RANBP3L: variants seen among roughly 807,000 people sequenced by gnomAD.
RANBP3L encodes the protein ran-binding protein 3-like.
RANBP3L carries 56 observed loss-of-function variants against 67.2 expected under a neutral mutation model. The ratio of observed to expected loss-of-function variants is 0.83; its 90% CI spans 0.67 to 1.04. The LOEUF (loss-of-function observed/expected upper bound fraction) is 1.04, where lower values mean the gene tolerates loss of function less well. RANBP3L is among the 50% of genes least tolerant of loss of function. The probability of loss-of-function intolerance (pLI) is 0.00; values close to 1 mark genes in which losing one functional copy is unlikely to be tolerated. For synonymous variants in RANBP3L, 164 were observed against 181.4 expected (o/e 0.90, Z 0.77); for missense variants, 496 against 535.5 (o/e 0.93, Z 0.73).
chr5:36,255,542 C>G lies in RANBP3L; in HGVS notation c.952G>C (p.Glu318Gln), dbSNP rs1213129318. ...IFNKTTQSWI[E>Q]RGRGTLRLND... The stretch of plus-strand genomic sequence containing the variant: ...AGTCTCAACGTTCCTCTGCCCCTTT[C>G]AATCCAGGATTGTGTTGTTTTGTTG... Residue 318 changes from glutamate (E) to glutamine (Q), a missense_variant, in exon 11 of 14, where the codon GAA becomes CAA. Glu to Gln is a conservative substitution (Grantham distance 29). Coordinates refer to ENST00000296604, the MANE Select transcript of RANBP3L (RefSeq NM_145000.5). 1 of 1,611,848 alleles carries G rather than the reference C, an allele frequency of 6.2e-7. No homozygotes were observed.
intron 1 of RANBP3L, among the ~76,000 whole-genome samples, chr5:36,277,436 ATATATGTGTG>A (rs1327684784): frequency 1.2e-4 from 11 of 93,488 alleles, no homozygotes; most frequent in African/African-American, 2.9e-4. Context: ...ATATATATAT[ATATATGTGTG>A]TGTGTGTGTG....
In RANBP3L at chr5:36,257,003, T is replaced by G; in HGVS notation, c.841A>C (p.Lys281Gln). The G allele has an allele frequency of 6.2e-7, 1 of 1,613,074 alleles. No homozygotes were observed. Reference protein sequence around the residue: ...AAAFSSQPSRKCLLEKIDVIT... With the variant: ...AAAFSSQPSRQCLLEKIDVIT... ...ACATCAATTTTCTCCAGCAAGCATT[T>G]TCGTGATGGTTGGGAAGAGAATGCA... is the stretch of plus-strand genomic sequence containing the variant. Residue 281 changes from lysine to glutamine, a missense_variant, in exon 10 of 14, where the codon AAA (lysine) becomes CAA (glutamine). Coordinates refer to ENST00000296604, the MANE Select transcript of RANBP3L (RefSeq NM_145000.5).
At chr5:36,262,858 C>T (rs914953650) in intron 6 of RANBP3L, among the ~76,000 whole-genome samples, 1 of 152,248 alleles carries the variant, frequency 6.6e-6, no homozygotes, top group African/African-American at 2.4e-5. Context: ...ATTACCTAGT[C>T]ATTCAGATAA....
Position 36,249,606 on chromosome 5 carries a change from T to G in RANBP3L, c.*48A>C. 9.8e-7 allele frequency: 1 copy of G among 1,023,534 alleles called. No homozygotes were observed. The highest frequency in any genetic ancestry group is 1.4e-6 in the Non-Finnish European group (1 of 689,996). The allele number at this position is 1,023,534 out of a possible 1,614,324, so 63.4% of individuals were successfully genotyped here. A position where few individuals can be genotyped will look rare whatever the true frequency, so the allele number is the denominator to read the frequency against. On this transcript the variant is annotated 3_prime_UTR_variant, in exon 14 of 14. Transcript: ENST00000296604. The stretch of plus-strand genomic sequence containing the variant: ...AGTTAGGGTGGTTTAGTATTTTCAG[T>G]AGGGTGACCCCTCTTTTTGTAGATG...
intron 1 of RANBP3L, among the ~76,000 whole-genome samples, chr5:36,298,453 G>T (rs1266947423): frequency 6.6e-6 from 1 of 152,224 alleles, no homozygotes; most frequent in Non-Finnish European, 1.5e-5. Flanking sequence ...GTGAACCCAG[G>T]ATGATTCCAT....
In RANBP3L at chr5:36,269,429, A is replaced by G. The variant is rs747450419; in HGVS notation, c.229T>C (p.Ser77Pro). The change falls in exon 4 of 14, where the codon TCT (serine) becomes CCT (proline). Residue 77 changes from serine to proline, a missense_variant. Transcript: ENST00000296604. ...GAATCTGTAATATGAAAAGTAAAAG[A>G]TGAAGACCGTACACGCTTTGTTGGA... ...GFPTKRVRSS[S>P]FTFHITDSQS... The G allele has an allele frequency of 3.8e-6, 6 of 1,579,972 alleles. No individual in the cohort carries two copies. In the African/African-American group the frequency reaches 6.7e-5, roughly 18 times the overall value.
At chr5:36,255,714 A>G (rs1477573039) in intron 10 of RANBP3L, 124 bp from the exon 11 acceptor site, 6 of 551,774 alleles carry the variant, frequency 1.1e-5, no homozygotes, top group Non-Finnish European at 3.0e-6. Context: ...TTAATGATTT[A>G]TAAACCAGCT....
chr5:36,265,086 T>G lies in RANBP3L; in HGVS notation c.353A>C (p.His118Pro). The G allele has an allele frequency of 1.2e-6, 2 of 1,603,488 alleles. No individual in the cohort carries two copies. Among genetic ancestry groups the G allele is most frequent in the Non-Finnish European group, 1.7e-6 (2 of 1,171,456 alleles). ...AGCAGGTCTAATAACATGTTTAGAA[T>G]GTTTCACAGGACCTTAAAAGAATAG... ...IKSAEQGPVK[H>P]SKHVIRPAIL... The change falls in exon 6 of 14, where the codon CAT becomes CCT. Residue 118 changes from histidine to proline, a missense_variant. By Grantham distance (77) the His-to-Pro change is moderately conservative. Transcript: ENST00000296604.
chr5:36,297,600 C>T (rs1752321547), intron 1 of RANBP3L, among the ~76,000 whole-genome samples: 2 of 152,114 alleles, frequency 1.3e-5, no homozygotes, highest in Non-Finnish European at 2.9e-5. Context: ...CTGCCTAGTA[C>T]ATGTAATGTG....
intron 8 of RANBP3L, among the ~76,000 whole-genome samples, chr5:36,258,436 G>A (rs1367625647): frequency 1.3e-5 from 2 of 152,040 alleles, no homozygotes; most frequent in African/African-American, 4.8e-5. Context: ...TAAGAAAATA[G>A]AAACTGAGGC....
At chr5:36,297,418 C>T (rs936996740) in intron 1 of RANBP3L, among the ~76,000 whole-genome samples, 5 of 108,522 alleles carry the variant, frequency 4.6e-5, no homozygotes, top group African/African-American at 2.0e-4. Flanking sequence ...GTTCAGGAGT[C>T]ACCTGTATAC....
Position 36,267,886 on chromosome 5 carries a change from A to G in RANBP3L, c.268+1504T>C, listed in dbSNP as rs182602323. Among the ~76,000 whole-genome samples the G allele has an allele frequency of 9.8e-4, 149 of 152,298 alleles. 2 individuals are homozygous for G. Among genetic ancestry groups the G allele is most frequent in the African/African-American group, 3.5e-3 (144 of 41,538 alleles). On this transcript the variant is annotated intron_variant, in intron 4 of 13. Transcript: ENST00000296604. ...TACATTATAAACTATGTAGATGGAC[A>G]ATAGTAAGTAAAATAATGCAAATTG...
chr5:36,280,152 T>C (rs1419347689), intron 1 of RANBP3L, among the ~76,000 whole-genome samples: 1 of 152,196 alleles, frequency 6.6e-6, no homozygotes, highest in Admixed American at 6.6e-5. Context: ...TACATTGTTC[T>C]AGATCTAGAC....
At chr5:36,287,235 G>A (rs763034269) in intron 1 of RANBP3L, among the ~76,000 whole-genome samples, 10 of 152,162 alleles carry the variant, frequency 6.6e-5, no homozygotes, top group African/African-American at 1.9e-4. Flanking sequence ...GCTCACTCAC[G>A]CCCTGCTCAC....
chr5:36,270,099 T>A lies in RANBP3L; in HGVS notation c.151-109A>T. On this transcript the variant is annotated intron_variant, in intron 2 of 13. Coordinates refer to ENST00000296604, the MANE Select transcript of RANBP3L (RefSeq NM_145000.5). ...TTAAAAGTAATGGCAAAAATTGCAATTACTTTTGCACCAACCTAGTACATC... is the reference window on the plus strand; with the variant it reads ...TTAAAAGTAATGGCAAAAATTGCAAATACTTTTGCACCAACCTAGTACATC... The A allele has an allele frequency of 3.3e-6, 3 of 922,368 alleles. No homozygotes were observed. The South Asian group carries it at 4.0e-5, about 12-fold the overall frequency. The allele number at this position is 922,368 out of a possible 1,614,324, so 57.1% of individuals were successfully genotyped here.
At chr5:36,278,946 G>A (rs1750787865) in intron 1 of RANBP3L, among the ~76,000 whole-genome samples, 1 of 152,110 alleles carries the variant, frequency 6.6e-6, no homozygotes, top group South Asian at 2.1e-4. Flanking sequence ...AATGTTCATT[G>A]CTGCAAAGCA....
intron 1 of RANBP3L, among the ~76,000 whole-genome samples, chr5:36,272,424 T>G (rs1161988499): frequency 6.6e-6 from 1 of 152,158 alleles, no homozygotes; most frequent in Non-Finnish European, 1.5e-5. Context: ...GCTGAATAAA[T>G]AAAGCTGTAG....
At position 36,248,666 on chromosome 5, in the gene RANBP3L, A is replaced by G. The variant is rs1037585849; in HGVS notation, c.*988T>C. The G allele has an allele frequency of 1.3e-5, 2 of 152,156 alleles. No individual in the cohort carries two copies. Among genetic ancestry groups the G allele is most frequent in the African/African-American group, 4.8e-5 (2 of 41,456 alleles). 9.4% of individuals were successfully genotyped at this position (152,156 alleles called of 1,614,324 possible). On this transcript the variant is annotated 3_prime_UTR_variant, in exon 14 of 14. Coordinates refer to ENST00000296604, the MANE Select transcript of RANBP3L (RefSeq NM_145000.5). ...CTAATCAGATAATTGCTTAGGGGTCACAATCAAAGTCACTTCGAAGCCATG... is the reference window on the plus strand; with the variant it reads ...CTAATCAGATAATTGCTTAGGGGTCGCAATCAAAGTCACTTCGAAGCCATG...
At chr5:36,300,696 TG>T (rs1397449770) in intron 1 of RANBP3L, among the ~76,000 whole-genome samples, 1 of 152,152 alleles carries the variant, frequency 6.6e-6, no homozygotes, top group Non-Finnish European at 1.5e-5. Context: ...TGTCTATTCA[TG>T]TCAACCATCT....
Sources: allele counts gnomAD v4.1 joint callset (sites outside exome capture counted in the v4.1 genomes callset), GRCh38; gene constraint gnomAD v4.1.1; transcripts MANE v1.5; gene names NCBI Gene and HGNC (gene_info 2026-07-23, HGNC 2026-07-21).